Variants in TBCK observed in about 807,000 individuals in gnomAD.
TBCK encodes the protein TBC1 domain containing kinase.
A neutral mutation model predicts 113.4 loss-of-function variants in TBCK; 99 were observed. The ratio of observed to expected loss-of-function variants is 0.87; its 90% confidence interval spans 0.74 to 1.03. TBCK has a LOEUF of 1.03. Ranked by LOEUF, TBCK falls within the 50% of genes least tolerant of loss-of-function variation. TBCK has a pLI of 0.00. For synonymous variants in TBCK, 369 were observed against 370.8 expected (o/e 1.00, Z 0.05); for missense variants, 1,045 against 1,061.3 (o/e 0.98, Z 0.21).
chr4:106,236,475 G>T lies in TBCK; in HGVS notation c.1265C>A (p.Ala422Glu), dbSNP rs147556914. 167 of 1,578,318 alleles carry T rather than the reference G, an allele frequency of 1.1e-4. No homozygotes were observed. The highest frequency in any genetic ancestry group is 1.3e-4 in the Non-Finnish European group (146 of 1,161,282). Reference protein sequence around the residue: ...PHSNSNNELSAAATLPLIIRE... With the variant: ...PHSNSNNELSEAATLPLIIRE... ...GATGATTAAAGGGAGCGTGGCAGCT[G>T]CAGACAACTCATTATTGCTGTTTGA... The change falls in exon 14 of 26, where the codon GCA becomes GAA. Residue 422 changes from alanine to glutamate, a missense_variant. By Grantham distance (107) the Ala-to-Glu change is moderately radical (BLOSUM62 -1). Transcript: ENST00000394708.
At chr4:106,289,522 G>A (rs963592420) in intron 3 of TBCK, among the ~76,000 whole-genome samples, 4 of 152,070 alleles carry the variant, frequency 2.6e-5, no homozygotes, top group Non-Finnish European at 5.9e-5. Flanking sequence ...TGTAATCCCA[G>A]CACTTTGAGA....
rs944746091 is a variant in TBCK at position 106,252,022 on chromosome 4, T to C, written c.456-15A>G. 17 of 1,572,024 alleles carry C rather than the reference T, an allele frequency of 1.1e-5. No individual in the cohort carries two copies. The highest frequency in any genetic ancestry group is 1.5e-5 in the Non-Finnish European group (17 of 1,158,290). ...ACGAGGGATACCTGTAATGATACAT[T>C]AAAATAATGAAAAATTACAACAGGG... On this transcript the variant is annotated splice_polypyrimidine_tract_variant and intron_variant, in intron 5 of 25. Coordinates refer to ENST00000394708, the MANE Select transcript of TBCK (RefSeq NM_001163435.3).
chr4:106,085,887 T>A lies in TBCK; in HGVS notation c.2571+9595A>T, dbSNP rs534227651. On this transcript the variant is annotated intron_variant, in intron 25 of 25. Transcript: ENST00000394708. ...AACAAAATTAAGGCAGAAATCAAGT[T>A]CCTTGAAATCAATGAGAACAAAGAG... 2.0e-5 allele frequency among the ~76,000 whole-genome samples: 3 copies of A among 152,206 alleles called. No individual in the cohort carries two copies. The South Asian group carries it at 6.2e-4, about 32-fold the overall frequency.
intron 23 of TBCK, among the ~76,000 whole-genome samples, chr4:106,145,598 A>G (rs1747691592): frequency 6.6e-6 from 1 of 152,238 alleles, no homozygotes; most frequent in African/African-American, 2.4e-5. Flanking sequence ...TGTTTATACT[A>G]TAATCTATTA....
intron 25 of TBCK, among the ~76,000 whole-genome samples, chr4:106,082,108 A>G (rs1738941089): frequency 6.6e-6 from 1 of 152,222 alleles, no homozygotes; most frequent in Non-Finnish European, 1.5e-5. Flanking sequence ...ATATATACCC[A>G]AAGGATAATA....
intron 19 of TBCK, among the ~76,000 whole-genome samples, chr4:106,217,560 C>A (rs1440535228): frequency 4.6e-5 from 7 of 151,976 alleles, no homozygotes; most frequent in African/African-American, 7.3e-5. Flanking sequence ...CACAAGCATT[C>A]CTATACACCA....
At position 106,043,360 on chromosome 4, in the gene TBCK, T is replaced by TATCA. The variant is rs1266801644; in HGVS notation, c.*3206_*3209dup. 2.0e-5 allele frequency: 3 copies of TATCA among 152,198 alleles called. No individual in the cohort carries two copies. Among genetic ancestry groups the TATCA allele is most frequent in the Non-Finnish European group, 4.4e-5 (3 of 68,038 alleles). 9.4% of individuals were successfully genotyped at this position (152,198 alleles called of 1,614,324 possible). On this transcript the variant is annotated 3_prime_UTR_variant, in exon 26 of 26. Transcript: ENST00000394708. Reference sequence around the variant, plus strand: ...TTGAGATTTCAATTTATTTCTATACTATCAGGTACCAGATAAGTTTGGCAG... The same window carrying TATCA: ...TTGAGATTTCAATTTATTTCTATACTATCAATCAGGTACCAGATAAGTTTGGCAG...
At chr4:106,074,688 T>A (rs1737955866) in intron 25 of TBCK, among the ~76,000 whole-genome samples, 2 of 152,194 alleles carry the variant, frequency 1.3e-5, no homozygotes, top group South Asian at 4.1e-4. Context: ...GGGGGCTCAC[T>A]TATAAAGACA....
chr4:106,061,283 T>C (rs907474005), intron 25 of TBCK, among the ~76,000 whole-genome samples: 4 of 151,846 alleles, frequency 2.6e-5, no homozygotes, highest in South Asian at 2.1e-4. Context: ...TGTTGTCTTA[T>C]GTTAAGAAAT....
chr4:106,285,227 C>T (rs1031714913), intron 3 of TBCK, among the ~76,000 whole-genome samples: 3 of 151,968 alleles, frequency 2.0e-5, no homozygotes, highest in Non-Finnish European at 4.4e-5. Flanking sequence ...CAACTATCCA[C>T]ACAAATAACA....
Position 106,234,907 on chromosome 4 carries a change from C to G in TBCK, c.1449+362G>C, listed in dbSNP as rs540799815. Among the ~76,000 whole-genome samples the G allele has an allele frequency of 3.3e-5, 5 of 152,114 alleles. No individual in the cohort carries two copies. The East Asian group carries it at 9.7e-4, about 29-fold the overall frequency. On this transcript the variant is annotated intron_variant, in intron 15 of 25. Transcript: ENST00000394708. The stretch of plus-strand genomic sequence containing the variant: ...GTCAGATTAGATGGAAAGATTTCTC[C>G]AAATTTAGACAGAACCATTTATAAA...
intron 22 of TBCK, among the ~76,000 whole-genome samples, chr4:106,181,257 G>T (rs939486395): frequency 2.6e-5 from 4 of 151,970 alleles, no homozygotes; most frequent in Non-Finnish European, 2.9e-5. Context: ...CTTTATAGAT[G>T]CTGGATATTA....
At chr4:106,060,306 A>G (rs572739264) in intron 25 of TBCK, among the ~76,000 whole-genome samples, 1 of 151,868 alleles carries the variant, frequency 6.6e-6, no homozygotes, top group African/African-American at 2.4e-5. Flanking sequence ...CAAGGCTTCA[A>G]AGGATAGGCT....
intron 25 of TBCK, among the ~76,000 whole-genome samples, chr4:106,088,832 A>G (rs1303854955): frequency 6.6e-6 from 1 of 152,180 alleles, no homozygotes; most frequent in African/African-American, 2.4e-5. Flanking sequence ...AGAGGAGCAG[A>G]AAACCAAACA....
chr4:106,253,540 C>T (rs1053401098), intron 5 of TBCK, among the ~76,000 whole-genome samples: 10 of 152,110 alleles, frequency 6.6e-5, no homozygotes, highest in African/African-American at 2.2e-4. Context: ...TTTTTCAAAA[C>T]GAGTTATACC....
intron 23 of TBCK, among the ~76,000 whole-genome samples, chr4:106,122,010 G>T (rs993057635): frequency 2.2e-4 from 34 of 152,138 alleles, no homozygotes; most frequent in African/African-American, 7.5e-4. Context: ...CAGAAGGCAA[G>T]AAATAACTAA....
chr4:106,116,144 G>T, intron 24 of TBCK, 59 bp downstream of exon 24: 1 of 1,465,250 alleles, frequency 6.8e-7, no homozygotes, highest in South Asian at 1.3e-5. Flanking sequence ...ACACTTAAAT[G>T]AAAGGATGCA....
At chr4:106,160,839 C>T (rs1246203708) in intron 23 of TBCK, among the ~76,000 whole-genome samples, 2 of 151,882 alleles carry the variant, frequency 1.3e-5, no homozygotes, top group African/African-American at 4.8e-5. Context: ...GCATTGTTTA[C>T]AATCGCTAAA....
At chr4:106,215,315 C>G (rs775670103) in intron 19 of TBCK, among the ~76,000 whole-genome samples, 1 of 151,520 alleles carries the variant, frequency 6.6e-6, no homozygotes, top group Non-Finnish European at 1.5e-5. Flanking sequence ...AACTAAGGAG[C>G]AAAATAACCA....
Sources: gnomAD v4.1 joint callset for allele counts (sites outside exome capture counted in the v4.1 genomes callset) on GRCh38, gnomAD v4.1.1 for gene constraint, MANE v1.5 for transcripts, NCBI Gene and HGNC (gene_info 2026-07-23, HGNC 2026-07-21) for gene names.